The following MSRA variants were observed in gnomAD, a reference collection of about 807,000 sequenced individuals.
MSRA encodes the protein mitochondrial peptide methionine sulfoxide reductase.
A neutral mutation model predicts 31.3 loss-of-function variants in MSRA; 54 were observed. The observed-to-expected ratio is 1.73, with a 90% confidence interval of 1.39 to 2.17. The LOEUF is 2.17. MSRA is among the 30% of genes most tolerant of loss of function. MSRA has a pLI of 0.00. For missense variants in MSRA, 507 were observed against 300.9 expected, an observed-to-expected ratio of 1.69 and a Z score of -5.07; for synonymous variants, 169 against 116.5, an observed-to-expected ratio of 1.45 and a Z score of -2.90.
chr8:10,250,328 C>G, intron 3 of MSRA: 2 of 659,226 alleles, frequency 3.0e-6, no homozygotes, highest in Non-Finnish European at 2.8e-6. Context: ...GGGTTAATTT[C>G]AGTGCATTAG....
intron 4 of MSRA, among the ~76,000 whole-genome samples, chr8:10,309,091 G>A (rs1366823661): frequency 6.6e-6 from 1 of 152,176 alleles, no homozygotes; most frequent in African/African-American, 2.4e-5. Context: ...AATTAAAGTA[G>A]CAGTCCCAGC....
At chr8:10,225,134 C>G (rs1810880297) in intron 2 of MSRA, among the ~76,000 whole-genome samples, 1 of 152,186 alleles carries the variant, frequency 6.6e-6, no homozygotes, top group African/African-American at 2.4e-5. Flanking sequence ...GAGACTCCAT[C>G]TCAAGAATAA....
At chr8:10,122,171 C>G (rs1161482653) in intron 1 of MSRA, among the ~76,000 whole-genome samples, 2 of 152,038 alleles carry the variant, frequency 1.3e-5, no homozygotes, top group African/African-American at 4.8e-5. Context: ...AAGCAGAGGG[C>G]AAGATTCTCG....
chr8:10,189,534 T>C (rs1200556464), intron 1 of MSRA, among the ~76,000 whole-genome samples: 1 of 152,216 alleles, frequency 6.6e-6, no homozygotes, highest in Non-Finnish European at 1.5e-5. Context: ...AAAAAGTTTT[T>C]TAAACACAGG....
intron 5 of MSRA, among the ~76,000 whole-genome samples, chr8:10,340,361 A>C (rs754461780): frequency 2.0e-4 from 31 of 152,320 alleles, no homozygotes; most frequent in Non-Finnish European, 4.3e-4. Context: ...TGAGCCATCA[A>C]ATTAGGAGTT....
chr8:10,361,508 A>C (rs1326617771), intron 5 of MSRA, among the ~76,000 whole-genome samples: 7 of 152,168 alleles, frequency 4.6e-5, no homozygotes, highest in Admixed American at 3.9e-4. Flanking sequence ...TATAAGACTC[A>C]TACGTCCTGG....
intron 5 of MSRA, among the ~76,000 whole-genome samples, chr8:10,358,565 C>CTTTTTTTTTTTTTTTTTT (rs59106668): frequency 4.7e-5 from 3 of 64,002 alleles, no homozygotes; most frequent in Non-Finnish European, 7.9e-5. Context: ...GCATTAGATT[C>CTTTTTTTTTTTTTTTTTT]TTTTTTTTTT....
At chr8:10,221,061 G>C (rs1810450209) in intron 2 of MSRA, among the ~76,000 whole-genome samples, 1 of 152,196 alleles carries the variant, frequency 6.6e-6, no homozygotes. Context: ...ATATGCAGTG[G>C]GATGGCCACA....
intron 5 of MSRA, among the ~76,000 whole-genome samples, chr8:10,405,991 A>C (rs372294865): frequency 2.0e-5 from 3 of 152,250 alleles, no homozygotes; most frequent in African/African-American, 7.2e-5. Context: ...GAGACTGGCT[A>C]TTCACCATCT....
intron 1 of MSRA, among the ~76,000 whole-genome samples, chr8:10,084,103 G>T (rs1167137389): frequency 2.0e-5 from 3 of 152,210 alleles, no homozygotes; most frequent in Admixed American, 6.5e-5. Flanking sequence ...TCGAGGCAGG[G>T]CCTGGCATTT....
chr8:10,329,378 C>G (rs1399004113), intron 5 of MSRA, among the ~76,000 whole-genome samples: 1 of 152,214 alleles, frequency 6.6e-6, no homozygotes, highest in African/African-American at 2.4e-5. Context: ...GGCTGCATCA[C>G]TCAAGTCTCT....
chr8:10,199,722 T>C (rs1808333390), intron 1 of MSRA, among the ~76,000 whole-genome samples: 1 of 152,210 alleles, frequency 6.6e-6, no homozygotes, highest in Non-Finnish European at 1.5e-5. Flanking sequence ...GCCCTCTATT[T>C]GCATAATGCT....
intron 5 of MSRA, among the ~76,000 whole-genome samples, chr8:10,422,711 G>C (rs1291922121): frequency 1.3e-5 from 2 of 152,204 alleles, no homozygotes; most frequent in Non-Finnish European, 2.9e-5. Context: ...AGGGGCATGT[G>C]AGACTGGCTG....
In MSRA at chr8:10,316,594, C is replaced by A. The variant is rs191015155; in HGVS notation, c.437-3289C>A. Among the ~76,000 whole-genome samples, 240 of 146,930 alleles carry A rather than the reference C, an allele frequency of 1.6e-3. 3 individuals are homozygous for A. The highest frequency in any genetic ancestry group is 7.1e-3 in the Middle Eastern group (2 of 280). ...TCTCTCCTTCCTCCTCCTCTTCTCC[C>A]CCTCCCTCTCTCCCTTCCTCCCTTT... is the stretch of plus-strand genomic sequence containing the variant. On this transcript the variant is annotated intron_variant, in intron 4 of 5. Coordinates refer to ENST00000317173, the MANE Select transcript of MSRA (RefSeq NM_012331.5).
At chr8:10,379,992 TAG>T (rs1388365103) in intron 5 of MSRA, among the ~76,000 whole-genome samples, 2 of 152,222 alleles carry the variant, frequency 1.3e-5, no homozygotes, top group Non-Finnish European at 2.9e-5. Flanking sequence ...TACAATGAGC[TAG>T]AGAGAATACC....
chr8:10,093,488 C>T (rs1301650778), intron 1 of MSRA, among the ~76,000 whole-genome samples: 2 of 152,120 alleles, frequency 1.3e-5, no homozygotes, highest in African/African-American at 4.8e-5. Flanking sequence ...CTCTTATTGT[C>T]ACATGTTACC....
chr8:10,374,767 C>T (rs1203871066), intron 5 of MSRA, among the ~76,000 whole-genome samples: 1 of 152,140 alleles, frequency 6.6e-6, no homozygotes, highest in Non-Finnish European at 1.5e-5. Flanking sequence ...TGTTTTGTCC[C>T]CTCCAAATCT....
intron 3 of MSRA, among the ~76,000 whole-genome samples, chr8:10,292,501 C>G (rs1800295076): frequency 6.6e-6 from 1 of 152,250 alleles, no homozygotes. Flanking sequence ...ATCTCCTCTC[C>G]CTGCCCTTGC....
chr8:10,176,603 C>T (rs796274130), intron 1 of MSRA, among the ~76,000 whole-genome samples: 1 of 152,334 alleles, frequency 6.6e-6, no homozygotes, highest in African/African-American at 2.4e-5. Context: ...TAACTTTTCC[C>T]CAAATACTGC....
Sources: gnomAD v4.1 joint callset for allele counts (sites outside exome capture counted in the v4.1 genomes callset) on GRCh38, gnomAD v4.1.1 for gene constraint, MANE v1.5 for transcripts, NCBI Gene and HGNC (gene_info 2026-07-23, HGNC 2026-07-21) for gene names.